The following SKI variants were observed in gnomAD, a reference collection of about 807,000 sequenced individuals.
The protein encoded by SKI is ski oncogene.
SKI carries 23 observed loss-of-function variants against 59.3 expected under a neutral mutation model. The observed-to-expected ratio is 0.39, with a 90% CI of 0.28 to 0.55. SKI has a LOEUF of 0.55. Among genes scored for constraint, SKI ranks in the 20% least tolerant of loss-of-function variants. SKI has a pLI of 0.67. For missense variants in SKI, 1,017 were observed against 1,038.9 expected (o/e 0.98, Z 0.29); for synonymous variants, 673 against 488.6 (o/e 1.38, Z -4.98).
At chr1:2,301,516 G>A (rs2100913171) in intron 1 of SKI, among the ~76,000 whole-genome samples, 1 of 152,244 alleles carries the variant, frequency 6.6e-6, no homozygotes, top group East Asian at 1.9e-4. Context: ...CAGGGTGGGT[G>A]CACGTGCTGC....
At chr1:2,272,304 C>A (rs1639641725) in intron 1 of SKI, among the ~76,000 whole-genome samples, 1 of 152,216 alleles carries the variant, frequency 6.6e-6, no homozygotes, top group Non-Finnish European at 1.5e-5. Flanking sequence ...AAAAATTAAG[C>A]AAAACACACA....
At chr1:2,280,467 G>T (rs894409754) in intron 1 of SKI, among the ~76,000 whole-genome samples, 2 of 152,094 alleles carry the variant, frequency 1.3e-5, no homozygotes, top group African/African-American at 2.4e-5. Context: ...TGTAAGTGCA[G>T]TGACCGGACA....
At chr1:2,301,918 G>C (rs1048388514) in intron 1 of SKI, among the ~76,000 whole-genome samples, 1 of 152,186 alleles carries the variant, frequency 6.6e-6, no homozygotes, top group Non-Finnish European at 1.5e-5. Flanking sequence ...TGGAGACTCT[G>C]TGCTGTCCTG....
chr1:2,286,202 G>A (rs1640037651), intron 1 of SKI, among the ~76,000 whole-genome samples: 1 of 152,204 alleles, frequency 6.6e-6, no homozygotes, highest in Admixed American at 6.5e-5. Flanking sequence ...TGTAATGCCA[G>A]TTTAAGACGC....
At chr1:2,288,740 T>TGTTG (rs1200600235) in intron 1 of SKI, among the ~76,000 whole-genome samples, 1 of 152,116 alleles carries the variant, frequency 6.6e-6, no homozygotes, top group African/African-American at 2.4e-5. Context: ...GGTGGGCTGT[T>TGTTG]GTTGGCCTGC....
At chr1:2,282,436 GGTGGCGGAGATCTTCAGAGAGAGGACGCC>G (rs1639911187) in intron 1 of SKI, among the ~76,000 whole-genome samples, 1 of 97,570 alleles carries the variant, frequency 1.0e-5, no homozygotes, top group African/African-American at 4.0e-5. Flanking sequence ...GAAGACAGGC[GGTGGCGGAGATCTTCAGAGAGAGGACGCC>G]TGAGAAGACA....
intron 1 of SKI, among the ~76,000 whole-genome samples, chr1:2,242,157 C>T (rs1025821368): frequency 1.1e-4 from 16 of 152,344 alleles, no homozygotes; most frequent in East Asian, 3.9e-4. Context: ...TCATGTGATG[C>T]GTCCCTTGGT....
rs1001258765 is a variant in SKI at position 2,303,138 on chromosome 1, G to A, written c.1095+35G>A. 3.1e-6 allele frequency: 5 copies of A among 1,612,358 alleles called. No homozygotes were observed. The highest frequency in any genetic ancestry group is 4.2e-6 in the Non-Finnish European group (5 of 1,179,792). On this transcript the variant is annotated intron_variant, in intron 2 of 6. Transcript: ENST00000378536. This position sits in a 1 kb window ranked among gnomAD's most constrained non-coding sequence, Gnocchi z 5.6. ...GGCCTGTCGGGGTCCTTGGGGTGGT[G>A]GGTACTGGGCCCTTCTCCTTGGGCA...
At position 2,306,770 on chromosome 1, in the gene SKI, C is replaced by T. The variant is rs1557855061; in HGVS notation, c.*5C>T. On this transcript the variant is annotated 3_prime_UTR_variant, in exon 7 of 7. Transcript: ENST00000378536. The stretch of plus-strand genomic sequence containing the variant: ...GCTGCGGAGCTGGAGCCGTAGATTC[C>T]GTGCCTGCCGCCGCAGCGCCGCCGA... The T allele has an allele frequency of 6.0e-6, 9 of 1,501,872 alleles. No individual in the cohort carries two copies. The highest frequency in any genetic ancestry group is 5.0e-5 in the South Asian group (4 of 80,064). The allele number at this position is 1,501,872 out of a possible 1,614,324, so 93.0% of individuals were successfully genotyped here.
At chr1:2,231,137 G>A (rs905794786) in intron 1 of SKI, among the ~76,000 whole-genome samples, 3 of 152,166 alleles carry the variant, frequency 2.0e-5, no homozygotes, top group Non-Finnish European at 4.4e-5. Flanking sequence ...GTTGGGGTGG[G>A]CCCGATGGCG....
intron 1 of SKI, among the ~76,000 whole-genome samples, chr1:2,237,196 T>C (rs1211187161): frequency 6.6e-6 from 1 of 152,140 alleles, no homozygotes; most frequent in Non-Finnish European, 1.5e-5. Context: ...CTGGCTGACC[T>C]CACCGGGAAG....
intron 1 of SKI, among the ~76,000 whole-genome samples, chr1:2,301,909 G>C (rs1640434676): frequency 6.6e-6 from 1 of 152,136 alleles, no homozygotes; most frequent in African/African-American, 2.4e-5. Context: ...CAGCTGCCCT[G>C]GAGACTCTGT....
chr1:2,305,580 GT>G (rs1296886982), intron 5 of SKI, among the ~76,000 whole-genome samples: 2 of 152,136 alleles, frequency 1.3e-5, no homozygotes, highest in African/African-American at 4.8e-5. Flanking sequence ...AATGGGGAGA[GT>G]GGGGGGGCTT....
chr1:2,229,489 C>T lies in SKI; in HGVS notation c.723C>T (p.Ser241=). The change falls in exon 1 of 7, where the codon AGC becomes AGT. Residue 241 remains serine (S), a synonymous_variant. Transcript: ENST00000378536. The surrounding 1 kb of genome is among the most constrained non-coding windows in gnomAD (Gnocchi z 6.3). ...LLVPELYSSP[S]AACIQCLDCR... is the part of the protein sequence containing the mutation. ...TGCCCGAGCTCTACAGCAGCCCGAG[C>T]GCCGCCTGCATCCAGTGCCTGGACT... 6.2e-7 allele frequency: 1 copy of T among 1,611,622 alleles called. No individual in the cohort carries two copies. Among genetic ancestry groups the T allele is most frequent in the Non-Finnish European group, 8.5e-7 (1 of 1,179,846 alleles).
At chr1:2,275,553 G>A (rs370807153) in intron 1 of SKI, among the ~76,000 whole-genome samples, 17 of 152,104 alleles carry the variant, frequency 1.1e-4, no homozygotes, top group African/African-American at 2.9e-4. Flanking sequence ...TCGCTCTGTC[G>A]CCCAGGCTGG....
At chr1:2,283,621 C>T (rs1639964892) in intron 1 of SKI, among the ~76,000 whole-genome samples, 1 of 152,156 alleles carries the variant, frequency 6.6e-6, no homozygotes, top group Admixed American at 6.5e-5. Context: ...TCAGGACAGG[C>T]TTGTGGCTTT....
intron 1 of SKI, among the ~76,000 whole-genome samples, chr1:2,241,541 C>T (rs375093352): frequency 7.2e-5 from 11 of 152,158 alleles, no homozygotes; most frequent in African/African-American, 1.9e-4. Flanking sequence ...TACAGGTGCC[C>T]GCCACCGTGC....
intron 1 of SKI, among the ~76,000 whole-genome samples, chr1:2,237,656 A>G (rs1210411211): frequency 6.6e-6 from 1 of 152,236 alleles, no homozygotes; most frequent in Non-Finnish European, 1.5e-5. Context: ...AGTAACATGG[A>G]AACATTGTTG....
rs917109089 is a variant in SKI at position 2,303,768 on chromosome 1, G to T, written c.1212-72G>T. On this transcript the variant is annotated intron_variant, in intron 3 of 6. Coordinates refer to ENST00000378536, the MANE Select transcript of SKI (RefSeq NM_003036.4). This position sits in a 1 kb window ranked among gnomAD's most constrained non-coding sequence, Gnocchi z 5.6. ...TTCCTGTTTAACACCTTCAGAGGGGGTGTGCGCCAGGATGTGTCTGGGTGG... is the reference window on the plus strand; with the variant it reads ...TTCCTGTTTAACACCTTCAGAGGGGTTGTGCGCCAGGATGTGTCTGGGTGG... The T allele has an allele frequency of 6.4e-7, 1 of 1,571,532 alleles. No individual in the cohort carries two copies.
Sources: gnomAD v4.1 joint callset for allele counts (sites outside exome capture counted in the v4.1 genomes callset) on GRCh38, gnomAD v4.1.1 for gene constraint, Gnocchi (gnomAD v3.1) non-coding constraint, MANE v1.5 for transcripts, NCBI Gene and HGNC (gene_info 2026-07-23, HGNC 2026-07-21) for gene names.